Variants in FZD3 observed in about 807,000 individuals in gnomAD.
The protein encoded by FZD3 is frizzled class receptor 3.
A neutral mutation model predicts 60.7 loss-of-function variants in FZD3; 30 were observed. The ratio of observed to expected loss-of-function variants is 0.49; its 90% CI spans 0.37 to 0.67. FZD3 has a LOEUF of 0.67. Ranked by LOEUF, FZD3 falls within the 30% of genes least tolerant of loss-of-function variation. The pLI is 0.00. For missense variants in FZD3, 605 were observed against 838.7 expected (o/e 0.72, Z 3.44); for synonymous variants, 246 against 275.2 (o/e 0.89, Z 1.05).
intron 3 of FZD3, among the ~76,000 whole-genome samples, chr8:28,506,789 T>TAAG (rs1385293976): frequency 6.6e-6 from 1 of 152,176 alleles, no homozygotes; most frequent in Admixed American, 6.5e-5. Flanking sequence ...TATGGTTCAT[T>TAAG]AAGAACAGAG....
chr8:28,502,694 G>C lies in FZD3; in HGVS notation c.-320G>C, dbSNP rs769810295. 5.3e-6 allele frequency: 1 copy of C among 188,206 alleles called. No individual in the cohort carries two copies. The highest frequency in any genetic ancestry group is 1.1e-5 in the Non-Finnish European group (1 of 92,178). The allele number at this position is 188,206 out of a possible 1,614,324, so 11.7% of individuals were successfully genotyped here. A position where few individuals can be genotyped will look rare whatever the true frequency, so the allele number is the denominator to read the frequency against. ...GATATTTCAGTTGAAGGAAGAAATA[G>C]CTCTTCTCCTAAGATGGAATCTGTG... On this transcript the variant is annotated 5_prime_UTR_variant, in exon 3 of 8. Coordinates refer to ENST00000240093, the MANE Select transcript of FZD3 (RefSeq NM_017412.4).
chr8:28,496,271 T>G (rs1563377299), intron 1 of FZD3, among the ~76,000 whole-genome samples: 1 of 152,212 alleles, frequency 6.6e-6, no homozygotes, highest in Non-Finnish European at 1.5e-5. Flanking sequence ...CATGTTAGTT[T>G]GATAGTGAAA....
intron 7 of FZD3, among the ~76,000 whole-genome samples, chr8:28,561,903 T>C (rs982874428): frequency 1.3e-5 from 2 of 152,170 alleles, no homozygotes; most frequent in Non-Finnish European, 2.9e-5. Flanking sequence ...AAAGTCATAA[T>C]TGATTTTCCT....
intron 3 of FZD3, among the ~76,000 whole-genome samples, chr8:28,511,831 A>G (rs914365607): frequency 1.3e-5 from 2 of 152,200 alleles, no homozygotes. Context: ...GCTAGAATTT[A>G]ACCCCTTCAA....
rs1258039182 is a variant in FZD3, at chr8:28,555,900, A to C, written c.1716A>C (p.Arg572Ser). Residue 572 changes from arginine to serine, a missense_variant, in exon 7 of 8, where the codon AGA becomes AGC. Coordinates refer to ENST00000240093, the MANE Select transcript of FZD3 (RefSeq NM_017412.4). ...STQLAMVDDQ[R>S]SKAGSIHSKV... ...AGCTGGCTATGGTGGATGATCAAAG[A>C]AGCAAAGCAGGAAGCATCCACAGCA... is the stretch of plus-strand genomic sequence containing the variant. The C allele has an allele frequency of 6.2e-7, 1 of 1,614,028 alleles. No homozygotes were observed. Among genetic ancestry groups the C allele is most frequent in the Non-Finnish European group, 8.5e-7 (1 of 1,179,994 alleles).
chr8:28,548,189 C>G, intron 5 of FZD3, among the ~76,000 whole-genome samples: 1 of 151,614 alleles, frequency 6.6e-6, no homozygotes, highest in East Asian at 1.9e-4. Flanking sequence ...AGTTTTATGT[C>G]ATGGTTAGAA....
chr8:28,498,778 T>C lies in FZD3; in HGVS notation c.-390-1155T>C, dbSNP rs570520434. Reference sequence around the variant, plus strand: ...TGGGTTTTTGCCGTGTTGGCCAGGCTGGTCTCAAACTCCTGGCCTCAAATG... The same window carrying C: ...TGGGTTTTTGCCGTGTTGGCCAGGCCGGTCTCAAACTCCTGGCCTCAAATG... On this transcript the variant is annotated intron_variant, in intron 1 of 7. Coordinates refer to ENST00000240093, the MANE Select transcript of FZD3 (RefSeq NM_017412.4). 7.9e-5 allele frequency among the ~76,000 whole-genome samples: 12 copies of C among 152,318 alleles called. No individual in the cohort carries two copies. In the East Asian group the frequency reaches 1.9e-3, roughly 24 times the overall value.
At chr8:28,530,400 T>C (rs938974136) in intron 5 of FZD3, 2 of 152,020 alleles carry the variant, frequency 1.3e-5, no homozygotes, top group African/African-American at 4.8e-5. Context: ...TACTTAGAAG[T>C]GTGGCTGCTA....
chr8:28,501,221 A>G (rs1257959038), intron 2 of FZD3, among the ~76,000 whole-genome samples: 1 of 152,244 alleles, frequency 6.6e-6, no homozygotes, highest in African/African-American at 2.4e-5. Context: ...TCTAGGGACC[A>G]TAGACTTTTC....
At chr8:28,547,005 C>CAT (rs1805310521) in intron 5 of FZD3, among the ~76,000 whole-genome samples, 1 of 152,100 alleles carries the variant, frequency 6.6e-6, no homozygotes, top group East Asian at 1.9e-4. Flanking sequence ...GGTTCGAAAC[C>CAT]CAAAAGCTAC....
At chr8:28,505,467 C>T (rs1452066144) in intron 3 of FZD3, among the ~76,000 whole-genome samples, 1 of 152,148 alleles carries the variant, frequency 6.6e-6, no homozygotes, top group Non-Finnish European at 1.5e-5. Context: ...TCCTCTGCCT[C>T]AGCCTCCCAA....
chr8:28,537,843 G>A (rs1020887156), intron 5 of FZD3, among the ~76,000 whole-genome samples: 9 of 152,124 alleles, frequency 5.9e-5, no homozygotes, highest in African/African-American at 1.9e-4. Context: ...TAGGCCAGGC[G>A]TGGTGGCTCA....
intron 5 of FZD3, among the ~76,000 whole-genome samples, chr8:28,530,766 C>T (rs1023285706): frequency 2.7e-5 from 4 of 150,282 alleles, no homozygotes; most frequent in Non-Finnish European, 5.9e-5. Flanking sequence ...CCCATAAAAG[C>T]CTGTACAATT....
At chr8:28,509,691 T>C (rs986789176) in intron 3 of FZD3, among the ~76,000 whole-genome samples, 2 of 152,216 alleles carry the variant, frequency 1.3e-5, no homozygotes, top group African/African-American at 4.8e-5. Flanking sequence ...AATCACACAG[T>C]ATTTGCCCTT....
chr8:28,560,764 G>A (rs1306106890), intron 7 of FZD3, among the ~76,000 whole-genome samples: 3 of 152,126 alleles, frequency 2.0e-5, no homozygotes, highest in African/African-American at 7.2e-5. Flanking sequence ...GTCATATTTG[G>A]AAACTTGGAA....
intron 3 of FZD3, chr8:28,505,250 G>A (rs1018321436): frequency 6.5e-5 from 10 of 154,538 alleles, no homozygotes; most frequent in Admixed American, 3.3e-4. Flanking sequence ...ACACTCTTGA[G>A]TGTTTGCTGT....
At chr8:28,515,832 A>G (rs1171942807) in intron 3 of FZD3, among the ~76,000 whole-genome samples, 1 of 152,024 alleles carries the variant, frequency 6.6e-6, no homozygotes, top group Non-Finnish European at 1.5e-5. Context: ...AACATCAAAG[A>G]TTTTCTTCCG....
intron 4 of FZD3, among the ~76,000 whole-genome samples, chr8:28,526,020 A>C (rs1407757269): frequency 6.6e-6 from 1 of 152,156 alleles, no homozygotes; most frequent in Non-Finnish European, 1.5e-5. Flanking sequence ...TGAGGAGTGG[A>C]AGTCAAGAAT....
At chr8:28,519,866 CCT>C (rs1804528769) in intron 3 of FZD3, among the ~76,000 whole-genome samples, 1 of 151,948 alleles carries the variant, frequency 6.6e-6, no homozygotes, top group East Asian at 1.9e-4. Flanking sequence ...TACTGGTTGT[CCT>C]CTCTCTCCTG....
Sources: allele counts gnomAD v4.1 joint callset (sites outside exome capture counted in the v4.1 genomes callset), GRCh38; gene constraint gnomAD v4.1.1; transcripts MANE v1.5; gene names NCBI Gene and HGNC (gene_info 2026-07-23, HGNC 2026-07-21).